The following ELOVL7 variants were observed in gnomAD, a reference collection of about 807,000 sequenced individuals.
The protein encoded by ELOVL7 is ELOVL fatty acid elongase 7, also known as very long chain fatty acid elongase 7.
ELOVL7 carries 27 observed loss-of-function variants against 35.7 expected under a neutral mutation model. The observed-to-expected ratio is 0.76, with a 90% CI of 0.56 to 1.04. The LOEUF is 1.04. Among genes scored for constraint, ELOVL7 ranks in the 50% least tolerant of loss-of-function variants. The pLI, the probability that ELOVL7 is intolerant of heterozygous loss-of-function variation, is 0.00. For missense variants in ELOVL7, 327 were observed against 340.8 expected (o/e 0.96, Z 0.32); for synonymous variants, 113 against 114.6 (o/e 0.99, Z 0.09).
chr5:60,784,279 A>C (rs1743434390), intron 3 of ELOVL7: 1 of 527,880 alleles, frequency 1.9e-6, no homozygotes, highest in African/African-American at 1.9e-5. Context: ...AATGGCAGCA[A>C]TCTTACTCAT....
intron 4 of ELOVL7, chr5:60,768,669 AG>A (rs1377476526): frequency 2.2e-6 from 1 of 455,856 alleles, no homozygotes; most frequent in African/African-American, 2.0e-5. Flanking sequence ...GATGGTGGGA[AG>A]GTCTTCTTTT....
chr5:60,765,732 T>C (rs1742197303), intron 6 of ELOVL7, among the ~76,000 whole-genome samples: 1 of 152,202 alleles, frequency 6.6e-6, no homozygotes, highest in African/African-American at 2.4e-5. Context: ...CTGGATTGTA[T>C]GTTCACACAA....
intron 1 of ELOVL7, among the ~76,000 whole-genome samples, chr5:60,837,004 G>A (rs1447161902): frequency 6.6e-6 from 1 of 151,788 alleles, no homozygotes; most frequent in East Asian, 1.9e-4. Flanking sequence ...ATTACACCTA[G>A]GTTTAAATCC....
intron 1 of ELOVL7, among the ~76,000 whole-genome samples, chr5:60,822,666 T>C (rs772196363): frequency 6.6e-6 from 1 of 151,958 alleles, no homozygotes; most frequent in African/African-American, 2.4e-5. Context: ...ACCACAGTAA[T>C]AGATGCATGA....
At chr5:60,832,241 A>G (rs1311243623) in intron 1 of ELOVL7, among the ~76,000 whole-genome samples, 1 of 152,232 alleles carries the variant, frequency 6.6e-6, no homozygotes, top group Non-Finnish European at 1.5e-5. Flanking sequence ...CACACACAAC[A>G]GGCAGTGTTG....
chr5:60,766,111 C>T (rs1742220463), intron 6 of ELOVL7, among the ~76,000 whole-genome samples: 1 of 152,126 alleles, frequency 6.6e-6, no homozygotes. Flanking sequence ...ACCGACAGCC[C>T]AGGGGTAATG....
intron 2 of ELOVL7, among the ~76,000 whole-genome samples, chr5:60,795,046 A>G (rs1032725738): frequency 6.6e-6 from 1 of 152,240 alleles, no homozygotes; most frequent in Non-Finnish European, 1.5e-5. Flanking sequence ...TAAATCCTTA[A>G]TAAAGAACGG....
chr5:60,766,170 C>T (rs1399000811), intron 6 of ELOVL7, among the ~76,000 whole-genome samples: 1 of 152,170 alleles, frequency 6.6e-6, no homozygotes, highest in Non-Finnish European at 1.5e-5. Context: ...ATATGGATGA[C>T]TGTGCTTTGG....
intron 7 of ELOVL7, among the ~76,000 whole-genome samples, chr5:60,762,424 T>C (rs148632610): frequency 1.3e-4 from 20 of 151,744 alleles, no homozygotes; most frequent in African/African-American, 4.8e-4. Context: ...GTTAGAAAAA[T>C]GCTCAATTGT....
At chr5:60,756,912 T>C (rs1308213735) in intron 8 of ELOVL7, among the ~76,000 whole-genome samples, 1 of 152,102 alleles carries the variant, frequency 6.6e-6, no homozygotes, top group Non-Finnish European at 1.5e-5. Flanking sequence ...AAATTAAATA[T>C]CATATATTTT....
chr5:60,817,967 G>C (rs1266623571), intron 1 of ELOVL7, among the ~76,000 whole-genome samples: 1 of 151,108 alleles, frequency 6.6e-6, no homozygotes, highest in East Asian at 1.9e-4. Flanking sequence ...TATGAGACTT[G>C]TTTAAAAAAA....
intron 1 of ELOVL7, among the ~76,000 whole-genome samples, chr5:60,822,799 G>A (rs1431648250): frequency 6.6e-6 from 1 of 152,228 alleles, no homozygotes; most frequent in African/African-American, 2.4e-5. Flanking sequence ...GGAGAACTCA[G>A]TACGTGCAGG....
intron 1 of ELOVL7, among the ~76,000 whole-genome samples, chr5:60,841,990 A>T (rs1160684937): frequency 6.6e-6 from 1 of 152,200 alleles, no homozygotes; most frequent in African/African-American, 2.4e-5. Flanking sequence ...TTCCATCATC[A>T]AACCTGCCTG....
chr5:60,819,052 AGGG>A (rs1745717228), intron 1 of ELOVL7, among the ~76,000 whole-genome samples: 1 of 134 alleles, frequency 7.5e-3, no homozygotes, highest in African/African-American at 0.028. Context: ...AGGGGAGGGG[AGGG>A]GAGGGGAGGG....
chr5:60,769,596 T>C (rs1393369466), intron 4 of ELOVL7, among the ~76,000 whole-genome samples: 1 of 152,216 alleles, frequency 6.6e-6, no homozygotes, highest in African/African-American at 2.4e-5. Context: ...AATGAAATCA[T>C]ACTCCATACA....
chr5:60,832,742 A>C (rs766973966), intron 1 of ELOVL7, among the ~76,000 whole-genome samples: 1 of 152,072 alleles, frequency 6.6e-6, no homozygotes, highest in Non-Finnish European at 1.5e-5. Context: ...TCCCAATTCC[A>C]AAAATGCCAC....
chr5:60,837,564 A>G (rs1746901935), intron 1 of ELOVL7, among the ~76,000 whole-genome samples: 1 of 152,194 alleles, frequency 6.6e-6, no homozygotes, highest in African/African-American at 2.4e-5. Context: ...AGCCTTGAGT[A>G]TCCTGTAAGG....
At position 60,753,150 on chromosome 5, in the gene ELOVL7, A is replaced by G. The variant is rs1439049987; in HGVS notation, c.*1474T>C. ...GTGTTCAAAATTAACTGGGGCTTTAAGTACTAATTGTTTAAAGTCCTACAA... is the reference window on the plus strand; with the variant it reads ...GTGTTCAAAATTAACTGGGGCTTTAGGTACTAATTGTTTAAAGTCCTACAA... On this transcript the variant is annotated 3_prime_UTR_variant, in exon 9 of 9. Transcript: ENST00000508821. 2 of 152,150 alleles carry G rather than the reference A, an allele frequency of 1.3e-5. No individual in the cohort carries two copies. The highest frequency in any genetic ancestry group is 4.8e-5 in the African/African-American group (2 of 41,550). The allele number at this position is 152,150 out of a possible 1,614,324, so 9.4% of individuals were successfully genotyped here. A position where few individuals can be genotyped will look rare whatever the true frequency, so the allele number is the denominator to read the frequency against.
At chr5:60,813,605 A>G (rs1745357223) in intron 1 of ELOVL7, among the ~76,000 whole-genome samples, 1 of 151,856 alleles carries the variant, frequency 6.6e-6, no homozygotes. Flanking sequence ...CCTCCCTCCC[A>G]ATCTCAGAAG....
Sources: allele counts gnomAD v4.1 joint callset (sites outside exome capture counted in the v4.1 genomes callset), GRCh38; gene constraint gnomAD v4.1.1; transcripts MANE v1.5; gene names NCBI Gene and HGNC (gene_info 2026-07-23, HGNC 2026-07-21).